MAP3K9: variants seen among roughly 807,000 people sequenced by gnomAD.
MAP3K9 encodes the protein mitogen-activated protein kinase kinase kinase 9, also known as mixed lineage kinase 1 (tyr and ser/thr specificity).
Under a neutral mutation model 95.8 loss-of-function variants are expected in MAP3K9, and 46 were observed. The observed-to-expected ratio is 0.48, with a 90% CI of 0.38 to 0.61. The LOEUF (loss-of-function observed/expected upper bound fraction) is 0.61, where lower values mean the gene tolerates loss of function less well. MAP3K9 is among the 20% of genes least tolerant of loss of function. The pLI is 0.00. For synonymous variants in MAP3K9, 533 were observed against 593.8 expected, an observed-to-expected ratio of 0.90 and a Z score of 1.49; for missense variants, 1,296 against 1,474.3, an observed-to-expected ratio of 0.88 and a Z score of 1.98.
In MAP3K9 at chr14:70,809,421, C is replaced by T; in HGVS notation, c.-250G>A. 2.8e-6 allele frequency: 1 copy of T among 353,072 alleles called. No homozygotes were observed. The highest frequency in any genetic ancestry group is 4.9e-6 in the Non-Finnish European group (1 of 202,050). 21.9% of individuals were successfully genotyped at this position (353,072 alleles called of 1,614,324 possible). On this transcript the variant is annotated 5_prime_UTR_variant, in exon 1 of 12. Transcript: ENST00000554752. ...GCCGAGTCCCCGCCTGCCCGCTCGC[C>T]CCCCCGGGGGCGGCCTCGTCACCTC...
intron 3 of MAP3K9, among the ~76,000 whole-genome samples, chr14:70,760,224 T>A (rs1422256758): frequency 1.3e-5 from 2 of 152,058 alleles, no homozygotes; most frequent in East Asian, 3.9e-4. Flanking sequence ...TGGACTGATA[T>A]ATAATGATAA....
intron 2 of MAP3K9, among the ~76,000 whole-genome samples, chr14:70,794,358 T>C (rs1426880479): frequency 6.6e-6 from 1 of 152,152 alleles, no homozygotes; most frequent in African/African-American, 2.4e-5. Flanking sequence ...AGGGGATAAA[T>C]CAAACATTAA....
At chr14:70,799,122 T>G (rs1050704629) in intron 2 of MAP3K9, among the ~76,000 whole-genome samples, 4 of 152,182 alleles carry the variant, frequency 2.6e-5, no homozygotes, top group Non-Finnish European at 5.9e-5. Context: ...TAACTTCCTC[T>G]TCTTTTTAGC....
At chr14:70,764,264 C>T (rs1452578837) in intron 2 of MAP3K9, among the ~76,000 whole-genome samples, 2 of 147,818 alleles carry the variant, frequency 1.4e-5, no homozygotes, top group Non-Finnish European at 3.0e-5. Flanking sequence ...CAGAAGAAGG[C>T]ATTGTTATTA....
At chr14:70,779,163 GC>G (rs900971375) in intron 2 of MAP3K9, among the ~76,000 whole-genome samples, 6 of 152,228 alleles carry the variant, frequency 3.9e-5, no homozygotes, top group Admixed American at 3.9e-4. Context: ...AGAAGAAGGA[GC>G]CGCAGTGAAG....
chr14:70,784,013 G>A (rs1358931579), intron 2 of MAP3K9, among the ~76,000 whole-genome samples: 1 of 151,922 alleles, frequency 6.6e-6, no homozygotes, highest in African/African-American at 2.4e-5. Context: ...GCCAGGCGCA[G>A]TGGCTCACGC....
rs1300990531 is a variant in MAP3K9, at chr14:70,723,077, G to C, written c.*7303C>G. The C allele has an allele frequency of 6.6e-6, 1 of 152,212 alleles. No individual in the cohort carries two copies. Among genetic ancestry groups the C allele is most frequent in the East Asian group, 1.9e-4 (1 of 5,194 alleles). 9.4% of individuals were successfully genotyped at this position (152,212 alleles called of 1,614,324 possible). A position where few individuals can be genotyped will look rare whatever the true frequency, so the allele number is the denominator to read the frequency against. ...ATGAGTAGGGAGGGAAATCAGAAAA[G>C]AAAGTGAGCAAGTTCATCACCTCCC... is the stretch of plus-strand genomic sequence containing the variant. On this transcript the variant is annotated 3_prime_UTR_variant, in exon 12 of 12. Transcript: ENST00000554752.
Position 70,733,062 on chromosome 14 carries a change from C to T in MAP3K9, c.2307G>A (p.Leu769=). ...VLAATGLGFD[L]LEAGKCQLLP... ...GCAGCTGGCACTTGCCAGCTTCCAG[C>T]AAGTCAAACCCTAGGCCTGTGGCTG... The change falls in exon 11 of 12, where the codon TTG becomes TTA. Residue 769 remains leucine, a synonymous_variant. Transcript: ENST00000554752. 1 of 1,614,184 alleles carries T rather than the reference C, an allele frequency of 6.2e-7. No homozygotes were observed. Among genetic ancestry groups the T allele is most frequent in the Non-Finnish European group, 8.5e-7 (1 of 1,180,026 alleles).
At chr14:70,778,190 C>A (rs560824151) in intron 2 of MAP3K9, among the ~76,000 whole-genome samples, 1 of 152,074 alleles carries the variant, frequency 6.6e-6, no homozygotes, top group African/African-American at 2.4e-5. Flanking sequence ...GCAACCTCTG[C>A]CCCCTGCTGC....
chr14:70,763,671 T>C (rs2054405963), intron 2 of MAP3K9, among the ~76,000 whole-genome samples: 1 of 151,784 alleles, frequency 6.6e-6, no homozygotes. Context: ...GCTGTGACTA[T>C]AGGTATGTGC....
At chr14:70,744,488 A>G (rs2054118992) in intron 5 of MAP3K9, among the ~76,000 whole-genome samples, 1 of 152,224 alleles carries the variant, frequency 6.6e-6, no homozygotes, top group Non-Finnish European at 1.5e-5. Flanking sequence ...GTGGCTGCTC[A>G]AAAGCTAAGT....
chr14:70,785,390 A>G (rs2054733562), intron 2 of MAP3K9, among the ~76,000 whole-genome samples: 1 of 152,244 alleles, frequency 6.6e-6, no homozygotes, highest in African/African-American at 2.4e-5. Context: ...TACCTATGAT[A>G]AAGTTTAATT....
At chr14:70,742,694 A>AGGTCTCTTCACT in intron 5 of MAP3K9, 103 bp from the exon 6 acceptor site, 1 of 1,358,740 alleles carries the variant, frequency 7.4e-7, no homozygotes, top group South Asian at 1.4e-5. Flanking sequence ...GGTGACCTGG[A>AGGTCTCTTCACT]GAGCTCTCCT....
intron 2 of MAP3K9, among the ~76,000 whole-genome samples, chr14:70,794,747 G>A (rs112812077): frequency 0.055 from 8,308 of 150,340 alleles, 311 homozygotes; most frequent in African/African-American, 0.097. Context: ...ATGCGATCTC[G>A]GCTCACTGCA....
At chr14:70,765,761 CAAA>C (rs11351891) in intron 2 of MAP3K9, among the ~76,000 whole-genome samples, 4 of 103,236 alleles carry the variant, frequency 3.9e-5, no homozygotes, top group Non-Finnish European at 6.5e-5. Flanking sequence ...CAAAAAAAAA[CAAA>C]AAAAAAAAAA....
chr14:70,772,923 T>G (rs1277473806), intron 2 of MAP3K9, among the ~76,000 whole-genome samples: 1 of 152,156 alleles, frequency 6.6e-6, no homozygotes, highest in East Asian at 1.9e-4. Context: ...GGACATTTCA[T>G]TCAGCCCAGG....
intron 3 of MAP3K9, among the ~76,000 whole-genome samples, chr14:70,753,884 GA>G (rs1316196360): frequency 6.6e-6 from 1 of 152,000 alleles, no homozygotes; most frequent in Non-Finnish European, 1.5e-5. Context: ...TACCTTTCTT[GA>G]CAAAAGGCAC....
chr14:70,803,641 T>A (rs1205678251), intron 1 of MAP3K9, among the ~76,000 whole-genome samples: 1 of 152,176 alleles, frequency 6.6e-6, no homozygotes, highest in Non-Finnish European at 1.5e-5. Context: ...CAACTGGCAG[T>A]CTGCACAAAG....
chr14:70,753,844 T>A (rs1566742770), intron 3 of MAP3K9, among the ~76,000 whole-genome samples: 1 of 152,184 alleles, frequency 6.6e-6, no homozygotes, highest in Non-Finnish European at 1.5e-5. Flanking sequence ...GTGTTTGATT[T>A]TTTTTTCAAA....
Sources: gnomAD v4.1 joint callset for allele counts (sites outside exome capture counted in the v4.1 genomes callset) on GRCh38, gnomAD v4.1.1 for gene constraint, MANE v1.5 for transcripts, NCBI Gene and HGNC (gene_info 2026-07-23, HGNC 2026-07-21) for gene names.